The following SLC45A4 variants were observed in gnomAD, a reference collection of about 807,000 sequenced individuals.
SLC45A4 encodes the protein polyamine-transporter SLC45A4.
A neutral mutation model predicts 63.7 loss-of-function variants in SLC45A4; 32 were observed. The ratio of observed to expected loss-of-function variants is 0.50; its 90% CI spans 0.38 to 0.67. The LOEUF (loss-of-function observed/expected upper bound fraction) is 0.67. SLC45A4 is among the 30% of genes least tolerant of loss of function. The probability of loss-of-function intolerance (pLI) is 0.00; values close to 1 mark genes in which losing one functional copy is unlikely to be tolerated. For missense variants in SLC45A4, 1,027 were observed against 1,157.7 expected, an observed-to-expected ratio of 0.89 and a Z score of 1.64; for synonymous variants, 535 against 510.0, an observed-to-expected ratio of 1.05 and a Z score of -0.66.
chr8:141,288,368 C>G (rs1830227861), intron 1 of SLC45A4, among the ~76,000 whole-genome samples: 1 of 152,184 alleles, frequency 6.6e-6, no homozygotes, highest in African/African-American at 2.4e-5. Context: ...AAGCTCACGT[C>G]CAGTAAGAGA....
rs142013296 is a variant in SLC45A4, at chr8:141,283,107, G to C, written c.-401+24989C>G. 2.0e-5 allele frequency among the ~76,000 whole-genome samples: 3 copies of C among 152,322 alleles called. No individual in the cohort carries two copies. In the East Asian group the frequency reaches 5.8e-4, roughly 29 times the overall value. On this transcript the variant is annotated intron_variant, in intron 1 of 8. Coordinates refer to ENST00000517878, the MANE Select transcript of SLC45A4 (RefSeq NM_001286646.2). ...GCCTCTGGAATGTTTGTGATTTTAT[G>C]ATTTTCTGCATCCAAAATTTGTCAC... is the stretch of plus-strand genomic sequence containing the variant.
chr8:141,264,451 G>A (rs570830345), intron 1 of SLC45A4, among the ~76,000 whole-genome samples: 2 of 152,282 alleles, frequency 1.3e-5, no homozygotes, highest in Non-Finnish European at 2.9e-5. Context: ...ACCTCTGCTG[G>A]GGGAGGGGAG....
At chr8:141,262,165 T>C (rs1434217230) in intron 1 of SLC45A4, among the ~76,000 whole-genome samples, 5 of 151,494 alleles carry the variant, frequency 3.3e-5, no homozygotes, top group South Asian at 2.1e-4. Flanking sequence ...GCTAGCCATA[T>C]GTAGAAAGCT....
At chr8:141,221,435 C>T in intron 3 of SLC45A4, 142 bp downstream of exon 3, 1 of 1,074,780 alleles carries the variant, frequency 9.3e-7, no homozygotes, top group Non-Finnish European at 1.3e-6. Flanking sequence ...TGGTCACCGC[C>T]AGGGTGGCCC....
At position 141,256,009 on chromosome 8, in the gene SLC45A4, C is replaced by T. The variant is rs111748779; in HGVS notation, c.-400-1380G>A. On this transcript the variant is annotated intron_variant, in intron 1 of 8. Transcript: ENST00000517878. The surrounding 1 kb of genome is among the most constrained non-coding windows in gnomAD (Gnocchi z 4.3). ...CCACACGCAGCTTTCCCAGGGTCTA[C>T]GGAACCCTATCACCCCAACCCTCGG... 0.017 allele frequency among the ~76,000 whole-genome samples: 2,629 copies of T among 152,256 alleles called. 44 individuals carry two copies. The highest frequency in any genetic ancestry group is 0.036 in the South Asian group (174 of 4,828).
chr8:141,303,731 G>A (rs777917532), intron 1 of SLC45A4, among the ~76,000 whole-genome samples: 5 of 152,310 alleles, frequency 3.3e-5, no homozygotes, highest in Non-Finnish European at 7.4e-5. Context: ...ACTTTTCAAT[G>A]CAGCAAATTA....
intron 2 of SLC45A4, among the ~76,000 whole-genome samples, chr8:141,235,825 G>C (rs1827598092): frequency 6.6e-6 from 1 of 152,204 alleles, no homozygotes; most frequent in South Asian, 2.1e-4. Context: ...GAGTTGGCCA[G>C]GCGTGGTGGC....
At chr8:141,271,124 C>T (rs1349212125) in intron 1 of SLC45A4, among the ~76,000 whole-genome samples, 2 of 152,372 alleles carry the variant, frequency 1.3e-5, no homozygotes, top group South Asian at 2.1e-4. Flanking sequence ...CCGCCTCCGG[C>T]GCCCAGCACA....
At chr8:141,252,767 G>A (rs1349221701) in intron 2 of SLC45A4, among the ~76,000 whole-genome samples, 137 of 117,140 alleles carry the variant, frequency 1.2e-3, no homozygotes, top group Non-Finnish European at 1.9e-3. Context: ...GTGAATTTCC[G>A]TTTTCACGCC....
chr8:141,220,967 G>A (rs1043115527), intron 3 of SLC45A4, among the ~76,000 whole-genome samples: 3 of 152,266 alleles, frequency 2.0e-5, no homozygotes, highest in African/African-American at 7.2e-5. Flanking sequence ...CATGGCCAGT[G>A]CCCACTCAGG....
intron 2 of SLC45A4, among the ~76,000 whole-genome samples, chr8:141,251,801 A>T (rs1828478428): frequency 1.3e-5 from 2 of 151,782 alleles, no homozygotes; most frequent in Admixed American, 1.3e-4. Context: ...TAATGTATTA[A>T]GTGACAAGAT....
intron 1 of SLC45A4, among the ~76,000 whole-genome samples, chr8:141,259,629 T>C (rs1292037943): frequency 6.6e-6 from 1 of 152,168 alleles, no homozygotes; most frequent in Non-Finnish European, 1.5e-5. Flanking sequence ...TGGACCCCTT[T>C]AGAACGGGTG....
intron 1 of SLC45A4, among the ~76,000 whole-genome samples, chr8:141,301,757 A>AAAAAAAAAAAAAAAAAAG (rs1830752029): frequency 6.7e-6 from 1 of 148,772 alleles, no homozygotes; most frequent in South Asian, 2.1e-4. Context: ...AAAAAAAAAA[A>AAAAAAAAAAAAAAAAAAG]AAAAATCCTG....
intron 2 of SLC45A4, among the ~76,000 whole-genome samples, chr8:141,236,390 G>C (rs1827626743): frequency 6.6e-6 from 1 of 152,204 alleles, no homozygotes; most frequent in South Asian, 2.1e-4. Context: ...CACATATCAA[G>C]TGTCTAACAG....
intron 1 of SLC45A4, among the ~76,000 whole-genome samples, chr8:141,271,202 G>T (rs1176288425): frequency 3.3e-5 from 5 of 152,228 alleles, no homozygotes; most frequent in Non-Finnish European, 7.3e-5. Flanking sequence ...AGAGCTCCCA[G>T]AGACTTCCTG....
intron 7 of SLC45A4, among the ~76,000 whole-genome samples, chr8:141,212,779 G>A (rs1825918474): frequency 6.6e-6 from 1 of 152,184 alleles, no homozygotes; most frequent in Non-Finnish European, 1.5e-5. Context: ...GGGCAGGCGT[G>A]GAAGCAACTC....
chr8:141,216,604 C>T (rs1430642108), intron 6 of SLC45A4, among the ~76,000 whole-genome samples: 1 of 152,220 alleles, frequency 6.6e-6, no homozygotes, highest in African/African-American at 2.4e-5. Flanking sequence ...AGAGTCCAGG[C>T]AGGCCAGCCC....
rs1827396440 is a variant in SLC45A4 at position 141,232,306 on chromosome 8, A to G, written c.242-10541T>C. On this transcript the variant is annotated intron_variant, in intron 2 of 8. Coordinates refer to ENST00000517878, the MANE Select transcript of SLC45A4 (RefSeq NM_001286646.2). ...GCTGGTTCACGTCCAAGGCTTGGACAAGATGACAGCAAATGTCCCCTTCAG... is the reference window on the plus strand; with the variant it reads ...GCTGGTTCACGTCCAAGGCTTGGACGAGATGACAGCAAATGTCCCCTTCAG... Among the ~76,000 whole-genome samples the G allele has an allele frequency of 2.6e-5, 4 of 152,396 alleles. No homozygotes were observed. The South Asian group carries it at 6.2e-4, about 24-fold the overall frequency.
At position 141,256,092 on chromosome 8, in the gene SLC45A4, G is replaced by C. The variant is rs1414369319; in HGVS notation, c.-400-1463C>G. On this transcript the variant is annotated intron_variant, in intron 1 of 8. Transcript: ENST00000517878. The surrounding 1 kb of genome is among the most constrained non-coding windows in gnomAD (Gnocchi z 4.3). ...AGCTTGGTGACAAATTCCCCACCTG[G>C]GCAAACACATACAATAAAGCAGCAA... is the stretch of plus-strand genomic sequence containing the variant. Among the ~76,000 whole-genome samples, 1 of 152,056 alleles carries C rather than the reference G, an allele frequency of 6.6e-6. No homozygotes were observed. Among genetic ancestry groups the C allele is most frequent in the Non-Finnish European group, 1.5e-5 (1 of 68,022 alleles).
Sources: allele counts gnomAD v4.1 joint callset (sites outside exome capture counted in the v4.1 genomes callset), GRCh38; gene constraint gnomAD v4.1.1; non-coding constraint Gnocchi (gnomAD v3.1); transcripts MANE v1.5; gene names NCBI Gene and HGNC (gene_info 2026-07-23, HGNC 2026-07-21).